PAG1: variants seen among roughly 807,000 people sequenced by gnomAD.
PAG1 encodes the protein phosphoprotein membrane anchor with glycosphingolipid microdomains 1.
In PAG1, 23 loss-of-function variants were observed where a neutral mutation model predicts 31.7. The observed-to-expected ratio is 0.73, with a 90% CI of 0.52 to 1.03. PAG1 has a LOEUF of 1.03. PAG1 is among the 50% of genes least tolerant of loss of function. The pLI is 0.00. For missense variants in PAG1, 473 were observed against 540.7 expected, an observed-to-expected ratio of 0.87 and a Z score of 1.24; for synonymous variants, 214 against 210.3, an observed-to-expected ratio of 1.02 and a Z score of -0.15.
At position 81,044,100 on chromosome 8, in the gene PAG1, C is replaced by T. The variant is rs577342793; in HGVS notation, c.-174-14011G>A. On this transcript the variant is annotated intron_variant, in intron 2 of 8. Coordinates refer to ENST00000220597, the MANE Select transcript of PAG1 (RefSeq NM_018440.4). Reference sequence around the variant, plus strand: ...TGCATTCATCCTCCACACAACTCTCCAAGTGACTTTCTAAAATGCAAATAT... The same window carrying T: ...TGCATTCATCCTCCACACAACTCTCTAAGTGACTTTCTAAAATGCAAATAT... 3.9e-5 allele frequency among the ~76,000 whole-genome samples: 6 copies of T among 152,306 alleles called. No individual in the cohort carries two copies. The East Asian group carries it at 1.2e-3, about 29-fold the overall frequency.
chr8:81,097,039 C>T (rs1281561959), intron 1 of PAG1, among the ~76,000 whole-genome samples: 2 of 152,210 alleles, frequency 1.3e-5, no homozygotes, highest in Admixed American at 6.5e-5. Context: ...GCTACCCCTT[C>T]CACAATTGCT....
chr8:81,045,015 C>T (rs1808618304), intron 2 of PAG1, among the ~76,000 whole-genome samples: 1 of 152,138 alleles, frequency 6.6e-6, no homozygotes, highest in South Asian at 2.1e-4. Flanking sequence ...TTTATGCATA[C>T]CTATCATCCA....
At chr8:81,078,245 T>G (rs868812457) in intron 1 of PAG1, among the ~76,000 whole-genome samples, 5 of 152,330 alleles carry the variant, frequency 3.3e-5, no homozygotes, top group African/African-American at 1.2e-4. Flanking sequence ...TTAAAACCTA[T>G]TACTAAAGAC....
intron 3 of PAG1, among the ~76,000 whole-genome samples, chr8:81,007,113 T>G (rs780197109): frequency 2.6e-5 from 4 of 152,046 alleles, no homozygotes; most frequent in Admixed American, 1.3e-4. Flanking sequence ...TTAAAGGCAT[T>G]CAACAGAGAG....
chr8:81,065,471 A>G (rs1226501177), intron 2 of PAG1, among the ~76,000 whole-genome samples: 1 of 152,158 alleles, frequency 6.6e-6, no homozygotes, highest in Non-Finnish European at 1.5e-5. Context: ...ACAACAATAT[A>G]AACAAAATGT....
chr8:81,104,529 C>T (rs900593019), intron 1 of PAG1, among the ~76,000 whole-genome samples: 3 of 152,152 alleles, frequency 2.0e-5, no homozygotes, highest in African/African-American at 7.2e-5. Flanking sequence ...TGTACAACTG[C>T]CAATTGCATC....
At chr8:81,042,413 A>C (rs1285496485) in intron 2 of PAG1, among the ~76,000 whole-genome samples, 1 of 152,206 alleles carries the variant, frequency 6.6e-6, no homozygotes, top group African/African-American at 2.4e-5. Flanking sequence ...TTGTTTTTCA[A>C]GCTTTCTGCT....
chr8:81,111,209 A>G (rs1013942618), intron 1 of PAG1, among the ~76,000 whole-genome samples: 1 of 152,202 alleles, frequency 6.6e-6, no homozygotes, highest in Non-Finnish European at 1.5e-5. Context: ...GGCTCGCCCA[A>G]AGATCCATCG....
intron 2 of PAG1, among the ~76,000 whole-genome samples, chr8:81,057,113 C>T (rs1268573397): frequency 6.6e-6 from 1 of 152,212 alleles, no homozygotes; most frequent in Non-Finnish European, 1.5e-5. Flanking sequence ...CACTTTTACA[C>T]TGTTGGTGGG....
At chr8:81,079,052 C>A (rs141876448) in intron 1 of PAG1, among the ~76,000 whole-genome samples, 256 of 152,210 alleles carry the variant, frequency 1.7e-3, no homozygotes, top group African/African-American at 5.8e-3. Flanking sequence ...ATATCCTTGC[C>A]AGGACTCAAC....
chr8:81,066,796 A>C (rs1809015857), intron 2 of PAG1, among the ~76,000 whole-genome samples: 1 of 152,208 alleles, frequency 6.6e-6, no homozygotes, highest in South Asian at 2.1e-4. Context: ...TACTCTGTGA[A>C]TCTAGACTGT....
At chr8:80,995,503 T>C (rs1184955013) in intron 3 of PAG1, among the ~76,000 whole-genome samples, 1 of 152,226 alleles carries the variant, frequency 6.6e-6, no homozygotes, top group Non-Finnish European at 1.5e-5. Context: ...CAATAGGTTT[T>C]AAAATACATT....
At chr8:81,087,830 G>A (rs954630773) in intron 1 of PAG1, among the ~76,000 whole-genome samples, 1 of 152,142 alleles carries the variant, frequency 6.6e-6, no homozygotes, top group African/African-American at 2.4e-5. Context: ...CCTGCGCTGG[G>A]GCCAGAGACC....
intron 2 of PAG1, among the ~76,000 whole-genome samples, chr8:81,043,412 G>A (rs976449261): frequency 6.6e-5 from 10 of 152,114 alleles, no homozygotes; most frequent in African/African-American, 9.7e-5. Flanking sequence ...TACAAAAATC[G>A]AAAGAGTCTT....
chr8:81,110,887 G>A (rs1396973595), intron 1 of PAG1, among the ~76,000 whole-genome samples: 1 of 152,204 alleles, frequency 6.6e-6, no homozygotes, highest in Admixed American at 6.5e-5. Flanking sequence ...GGAATGGAGG[G>A]CCACAGCTGC....
chr8:81,107,574 A>T (rs758962308), intron 1 of PAG1, among the ~76,000 whole-genome samples: 4 of 152,164 alleles, frequency 2.6e-5, no homozygotes, highest in Non-Finnish European at 5.9e-5. Context: ...TCCACAAAAG[A>T]GGATAATAAA....
At chr8:81,018,866 T>C (rs1311679385) in intron 3 of PAG1, among the ~76,000 whole-genome samples, 1 of 152,188 alleles carries the variant, frequency 6.6e-6, no homozygotes, top group African/African-American at 2.4e-5. Context: ...AATGTGGAAC[T>C]GACTTTGGAA....
chr8:81,100,925 A>G (rs963455576), intron 1 of PAG1, among the ~76,000 whole-genome samples: 4 of 152,250 alleles, frequency 2.6e-5, no homozygotes, highest in Admixed American at 2.6e-4. Flanking sequence ...ACAGGCTGAA[A>G]GAAGCATGCT....
At chr8:81,054,130 G>C (rs1349714272) in intron 2 of PAG1, among the ~76,000 whole-genome samples, 1 of 152,162 alleles carries the variant, frequency 6.6e-6, no homozygotes, top group Non-Finnish European at 1.5e-5. Flanking sequence ...GAATGGACAA[G>C]ATCACCCAGG....
Sources: allele counts gnomAD v4.1 joint callset (sites outside exome capture counted in the v4.1 genomes callset), GRCh38; gene constraint gnomAD v4.1.1; transcripts MANE v1.5; gene names NCBI Gene and HGNC (gene_info 2026-07-23, HGNC 2026-07-21).